INSR: variants seen among roughly 807,000 people sequenced by gnomAD.
INSR encodes IR.
Under a neutral mutation model 142.6 loss-of-function variants are expected in INSR, and 67 were observed. The observed-to-expected ratio is 0.47, with a 90% CI of 0.39 to 0.58. The LOEUF is 0.58. Ranked by LOEUF, INSR falls within the 20% of genes least tolerant of loss-of-function variation. The pLI, the probability that INSR is intolerant of heterozygous loss-of-function variation, is 0.00. For synonymous variants in INSR, 756 were observed against 743.1 expected, an observed-to-expected ratio of 1.02 and a Z score of -0.28; for missense variants, 1,248 against 1,833.2, an observed-to-expected ratio of 0.68 and a Z score of 5.83.
chr19:7,205,976 C>T (rs563891772), intron 2 of INSR, among the ~76,000 whole-genome samples: 18 of 152,212 alleles, frequency 1.2e-4, no homozygotes, highest in East Asian at 1.9e-4. Flanking sequence ...ACCTGAGTTT[C>T]GAGCAGACAC....
At chr19:7,274,125 C>T (rs895773251) in intron 1 of INSR, among the ~76,000 whole-genome samples, 19 of 152,038 alleles carry the variant, frequency 1.2e-4, no homozygotes, top group African/African-American at 2.9e-4. Flanking sequence ...AATTTTTCCA[C>T]GAACACGGGA....
chr19:7,184,392 C>T lies in INSR; in HGVS notation c.898G>A (p.Gly300Ser). 6.2e-7 allele frequency: 1 copy of T among 1,614,032 alleles called. No homozygotes were observed. Among genetic ancestry groups the T allele is most frequent in the South Asian group, 1.1e-5 (1 of 91,068 alleles). Residue 300 changes from glycine to serine, a missense_variant, in exon 3 of 22, where the codon GGC (glycine) becomes AGC (serine). This residue lies in a region of INSR where 1,069 missense variants were observed against 1,654.0 expected (regional missense o/e 0.65). Transcript: ENST00000302850. ...HHKCKNSRRQ[G>S]CHQYVIHNNK... Reference sequence around the variant, plus strand: ...TTGTGAATGACGTACTGGTGGCAGCCCTGCCTCCGCGAGTTCTTGCATTTG... The same window carrying T: ...TTGTGAATGACGTACTGGTGGCAGCTCTGCCTCCGCGAGTTCTTGCATTTG...
intron 13 of INSR, among the ~76,000 whole-genome samples, chr19:7,139,104 G>C (rs1973006506): frequency 6.6e-6 from 1 of 152,158 alleles, no homozygotes; most frequent in Non-Finnish European, 1.5e-5. Flanking sequence ...GCCTGGGCTA[G>C]CTCACTGGGC....
At chr19:7,145,434 G>C (rs1973164356) in intron 11 of INSR, among the ~76,000 whole-genome samples, 1 of 151,884 alleles carries the variant, frequency 6.6e-6, no homozygotes, top group Non-Finnish European at 1.5e-5. Flanking sequence ...CAGTCTTTTT[G>C]CTTATTTCTA....
At chr19:7,249,285 C>T (rs1200237694) in intron 2 of INSR, among the ~76,000 whole-genome samples, 4 of 152,136 alleles carry the variant, frequency 2.6e-5, no homozygotes, top group African/African-American at 9.7e-5. Flanking sequence ...CACCAGGAAT[C>T]CTAAGGTAAA....
intron 13 of INSR, among the ~76,000 whole-genome samples, chr19:7,133,599 T>C (rs1028206005): frequency 6.6e-6 from 1 of 152,218 alleles, no homozygotes; most frequent in Non-Finnish European, 1.5e-5. Flanking sequence ...TGGTGGCTCA[T>C]GCCTGTAATC....
chr19:7,289,406 T>TTTTC (rs1491499753), intron 1 of INSR, among the ~76,000 whole-genome samples: 3,079 of 98,590 alleles, frequency 0.031, 39 homozygotes, highest in Non-Finnish European at 0.037. Flanking sequence ...TTTTCTTTTC[T>TTTTC]TTTTTTTTTT....
intron 2 of INSR, among the ~76,000 whole-genome samples, chr19:7,199,837 C>T (rs556144554): frequency 1.2e-5 from 1 of 84,300 alleles, no homozygotes; most frequent in Non-Finnish European, 2.4e-5. Context: ...GAGACACATA[C>T]GCCCCGTGAA....
At position 7,142,925 on chromosome 19, in the gene INSR, G is replaced by GCC; in HGVS notation, c.2431_2432dup (p.Leu812AlafsTer47). The GCC allele has an allele frequency of 6.2e-7, 1 of 1,614,156 alleles. No individual in the cohort carries two copies. The highest frequency in any genetic ancestry group is 8.5e-7 in the Non-Finnish European group (1 of 1,180,030). On this transcript the variant is annotated frameshift_variant, in exon 12 of 22. Transcript: ENST00000302850. LOFTEE classifies it high-confidence loss of function. Reference sequence around the variant, plus strand: ...TGCGATAGCCCGTGAAGTGTCGCAAGCCGGAGATGACCAGCGACTCCTTGT... The same window carrying GCC: ...TGCGATAGCCCGTGAAGTGTCGCAAGCCCCGGAGATGACCAGCGACTCCTTGT...
At chr19:7,218,884 T>C (rs926031165) in intron 2 of INSR, among the ~76,000 whole-genome samples, 2 of 152,014 alleles carry the variant, frequency 1.3e-5, no homozygotes, top group African/African-American at 4.8e-5. Context: ...GGAAATCGTA[T>C]GAGGAAGTAT....
chr19:7,279,838 G>A (rs1395986829), intron 1 of INSR, among the ~76,000 whole-genome samples: 1 of 151,844 alleles, frequency 6.6e-6, no homozygotes, highest in Non-Finnish European at 1.5e-5. Context: ...GGATGGGTGT[G>A]GTGGTGTGCA....
Position 7,267,247 on chromosome 19 carries a change from T to C in INSR, c.652+98A>G. ...CCACCACCCACTATTCCCCGGCCCC[T>C]ACCTAATGACCATTTAACATTTTTA... is the stretch of plus-strand genomic sequence containing the variant. On this transcript the variant is annotated intron_variant, in intron 2 of 21. Coordinates refer to ENST00000302850, the MANE Select transcript of INSR (RefSeq NM_000208.4). The surrounding 1 kb of genome is among the most constrained non-coding windows in gnomAD (Gnocchi z 6.3). 7.6e-7 allele frequency: 1 copy of C among 1,318,848 alleles called. No individual in the cohort carries two copies. 81.7% of individuals were successfully genotyped at this position (1,318,848 alleles called of 1,614,324 possible).
At chr19:7,187,340 C>A (rs1239410455) in intron 2 of INSR, among the ~76,000 whole-genome samples, 1 of 152,076 alleles carries the variant, frequency 6.6e-6, no homozygotes, top group Admixed American at 6.6e-5. Context: ...CCCTGGCCCC[C>A]CAAAGTACTG....
At chr19:7,158,485 A>C (rs773296916) in intron 9 of INSR, among the ~76,000 whole-genome samples, 1 of 152,198 alleles carries the variant, frequency 6.6e-6, no homozygotes. Flanking sequence ...TGGGTGACAG[A>C]GCGAGACTCC....
At chr19:7,161,409 A>G (rs1405058671) in intron 9 of INSR, among the ~76,000 whole-genome samples, 1 of 151,738 alleles carries the variant, frequency 6.6e-6, no homozygotes, top group East Asian at 1.9e-4. Context: ...ACAGGTGTAC[A>G]CCACCATTTT....
chr19:7,147,802 T>C (rs1231319605), intron 11 of INSR, among the ~76,000 whole-genome samples: 2 of 152,194 alleles, frequency 1.3e-5, no homozygotes, highest in African/African-American at 2.4e-5. Flanking sequence ...ACTGAGAAAT[T>C]GGTATCTCAA....
chr19:7,202,440 A>G (rs1974987081), intron 2 of INSR, among the ~76,000 whole-genome samples: 1 of 152,008 alleles, frequency 6.6e-6, no homozygotes. Context: ...CTATCCTTGC[A>G]GTGTTTCGAT....
At chr19:7,277,969 C>G (rs1280350651) in intron 1 of INSR, among the ~76,000 whole-genome samples, 3 of 151,836 alleles carry the variant, frequency 2.0e-5, no homozygotes, top group Non-Finnish European at 4.4e-5. Flanking sequence ...TAGCGCTCGC[C>G]TGTAATCCCA....
intron 9 of INSR, among the ~76,000 whole-genome samples, chr19:7,154,465 G>A (rs1256927383): frequency 6.7e-6 from 1 of 149,696 alleles, no homozygotes; most frequent in Non-Finnish European, 1.5e-5. Context: ...GCCACGCCCG[G>A]CTAATTTGTT....
Sources: allele counts gnomAD v4.1 joint callset (sites outside exome capture counted in the v4.1 genomes callset), GRCh38; gene constraint gnomAD v4.1.1; regional missense constraint gnomAD v4.1.1; non-coding constraint Gnocchi (gnomAD v3.1); transcripts MANE v1.5; gene names NCBI Gene and HGNC (gene_info 2026-07-23, HGNC 2026-07-21).